Variants in SLC5A3 observed in about 807,000 individuals in gnomAD.
The protein encoded by SLC5A3 is solute carrier family 5 member 3, also known as sodium/myo-inositol cotransporter.
A neutral mutation model predicts 43.2 loss-of-function variants in SLC5A3; 10 were observed. The ratio of observed to expected loss-of-function variants is 0.23; its 90% CI spans 0.14 to 0.39. The LOEUF (loss-of-function observed/expected upper bound fraction) is 0.39. Ranked by LOEUF, SLC5A3 falls within the 10% of genes least tolerant of loss-of-function variation. The probability of loss-of-function intolerance (pLI) is 1.00; values close to 1 mark genes in which losing one functional copy is unlikely to be tolerated. For missense variants in SLC5A3, 608 were observed against 893.4 expected (o/e 0.68, Z 4.07); for synonymous variants, 349 against 322.0 (o/e 1.08, Z -0.90).
At position 34,095,332 on chromosome 21, in the gene SLC5A3, C is replaced by G. The variant is rs1978916274; in HGVS notation, c.134C>G (p.Ser45Cys). The change falls in exon 2 of 2, where the codon TCT (serine) becomes TGT (cysteine). Residue 45 changes from serine (S) to cysteine (C), a missense_variant. Physicochemically the swap from Ser to Cys is moderately radical, Grantham distance 112 (BLOSUM62 -1). Transcript: ENST00000381151. ...TVSGYFLAGR[S>C]MTWVAIGASL... ...AGTGGATACTTCCTGGCGGGGCGCTCTATGACCTGGGTAGCAATTGGTGCC... is the reference window on the plus strand; with the variant it reads ...AGTGGATACTTCCTGGCGGGGCGCTGTATGACCTGGGTAGCAATTGGTGCC... 6.2e-7 allele frequency: 1 copy of G among 1,613,960 alleles called. No homozygotes were observed. Among genetic ancestry groups the G allele is most frequent in the Non-Finnish European group, 8.5e-7 (1 of 1,179,982 alleles).
rs75868158 is a variant in SLC5A3 at position 34,105,584 on chromosome 21, C to A, written c.*8229C>A. ...TTTGTTCAGATTTTTTGTAAGAGAC[C>A]AGTTAGTACACTGGGGGTGTATATT... On this transcript the variant is annotated 3_prime_UTR_variant, in exon 2 of 2. Coordinates refer to ENST00000381151, the MANE Select transcript of SLC5A3 (RefSeq NM_006933.7). 5.2e-4 allele frequency: 517 copies of A among 999,722 alleles called. 2 individuals are homozygous for A. The African/African-American group carries it at 8.3e-3, about 16-fold the overall frequency. 61.9% of individuals were successfully genotyped at this position (999,722 alleles called of 1,614,324 possible).
chr21:34,103,192 ATG>A lies in SLC5A3; in HGVS notation c.*5841_*5842del. 1 of 999,948 alleles carries A rather than the reference ATG, an allele frequency of 1.0e-6. No individual in the cohort carries two copies. The highest frequency in any genetic ancestry group is 1.2e-6 in the Non-Finnish European group (1 of 829,872). The allele number at this position is 999,948 out of a possible 1,614,324, so 61.9% of individuals were successfully genotyped here. ...ATAATATAACCAGCTTTTGAAATTT[ATG>A]TGTTTGGATTAGTGCCTTCTGGTTA... On this transcript the variant is annotated 3_prime_UTR_variant, in exon 2 of 2. Coordinates refer to ENST00000381151, the MANE Select transcript of SLC5A3 (RefSeq NM_006933.7).
Position 34,102,115 on chromosome 21 carries a change from A to C in SLC5A3, c.*4760A>C. ...GGCTGCAAATCTTTTTCTTCTGTCA[A>C]GGTCACTTAATATGGAATGTTTTTG... On this transcript the variant is annotated 3_prime_UTR_variant, in exon 2 of 2. Transcript: ENST00000381151. 1.0e-6 allele frequency: 1 copy of C among 1,000,128 alleles called. No individual in the cohort carries two copies. Among genetic ancestry groups the C allele is most frequent in the Non-Finnish European group, 1.2e-6 (1 of 829,880 alleles). 62.0% of individuals were successfully genotyped at this position (1,000,128 alleles called of 1,614,324 possible). A position where few individuals can be genotyped will look rare whatever the true frequency, so the allele number is the denominator to read the frequency against.
Position 34,105,050 on chromosome 21 carries a change from A to G in SLC5A3, c.*7695A>G, listed in dbSNP as rs1979414650. On this transcript the variant is annotated 3_prime_UTR_variant, in exon 2 of 2. Transcript: ENST00000381151. Reference sequence around the variant, plus strand: ...GGCAAACAGATCAAGTCTTTTGCTCATAGACTTTTCTGTGGGGTTATTAAA... The same window carrying G: ...GGCAAACAGATCAAGTCTTTTGCTCGTAGACTTTTCTGTGGGGTTATTAAA... 8 of 1,000,088 alleles carry G rather than the reference A, an allele frequency of 8.0e-6. No homozygotes were observed. Among genetic ancestry groups the G allele is most frequent in the Non-Finnish European group, 9.6e-6 (8 of 829,908 alleles). 62.0% of individuals were successfully genotyped at this position (1,000,088 alleles called of 1,614,324 possible). A position where few individuals can be genotyped will look rare whatever the true frequency, so the allele number is the denominator to read the frequency against.
intron 1 of SLC5A3, among the ~76,000 whole-genome samples, chr21:34,076,334 A>G (rs148863899): frequency 6.6e-6 from 1 of 152,294 alleles, no homozygotes; most frequent in East Asian, 1.9e-4. Context: ...AAGTTTTAAA[A>G]TTTAAAATAC....
chr21:34,097,914 C>G lies in SLC5A3; in HGVS notation c.*559C>G, dbSNP rs4817621. ...CATGAGCCTACGGATTCTGATTTCC[C>G]AAAGAAAGAATGTTTTCCTGTAGGT... is the stretch of plus-strand genomic sequence containing the variant. On this transcript the variant is annotated 3_prime_UTR_variant, in exon 2 of 2. Coordinates refer to ENST00000381151, the MANE Select transcript of SLC5A3 (RefSeq NM_006933.7). The G allele has an allele frequency of 1.0e-6, 1 of 997,734 alleles. No individual in the cohort carries two copies. Among genetic ancestry groups the G allele is most frequent in the Non-Finnish European group, 1.2e-6 (1 of 827,828 alleles). 61.8% of individuals were successfully genotyped at this position (997,734 alleles called of 1,614,324 possible).
intron 1 of SLC5A3, among the ~76,000 whole-genome samples, chr21:34,089,989 C>G (rs529976317): frequency 8.5e-5 from 13 of 152,248 alleles, no homozygotes; most frequent in South Asian, 2.1e-4. Flanking sequence ...TTGCATATTA[C>G]TTGGTGGCTG....
chr21:34,078,431 A>G (rs1989384558), intron 1 of SLC5A3, among the ~76,000 whole-genome samples: 2 of 152,084 alleles, frequency 1.3e-5, no homozygotes, highest in African/African-American at 2.4e-5. Context: ...CTCACCAGAT[A>G]TGGTTTGTAT....
At position 34,095,047 on chromosome 21, in the gene SLC5A3, C is replaced by T. The variant is rs1200389236; in HGVS notation, c.-152C>T. ...TTTATCACAACCACCACCATCAAGACAGCAAACCAAAGGACAAAGACTTTG... is the reference window on the plus strand; with the variant it reads ...TTTATCACAACCACCACCATCAAGATAGCAAACCAAAGGACAAAGACTTTG... On this transcript the variant is annotated 5_prime_UTR_variant, in exon 2 of 2. Transcript: ENST00000381151. 1.1e-6 allele frequency: 1 copy of T among 918,230 alleles called. No individual in the cohort carries two copies. Among genetic ancestry groups the T allele is most frequent in the East Asian group, 2.8e-5 (1 of 35,654 alleles). The allele number at this position is 918,230 out of a possible 1,614,324, so 56.9% of individuals were successfully genotyped here.
At chr21:34,085,631 C>T (rs1630023) in intron 1 of SLC5A3, among the ~76,000 whole-genome samples, 120,218 of 146,178 alleles carry the variant, frequency 0.82, 51,480 homozygotes, top group East Asian at 0.94. Flanking sequence ...GACTGAGTCT[C>T]GCTCTTTCGC....
At position 34,073,716 on chromosome 21, in the gene SLC5A3, C is replaced by G; in HGVS notation, c.-366C>G. The G allele has an allele frequency of 6.5e-7, 1 of 1,529,450 alleles. No individual in the cohort carries two copies. Among genetic ancestry groups the G allele is most frequent in the Non-Finnish European group, 8.8e-7 (1 of 1,132,180 alleles). 94.7% of individuals were successfully genotyped at this position (1,529,450 alleles called of 1,614,324 possible). On this transcript the variant is annotated 5_prime_UTR_variant, in exon 1 of 2. Transcript: ENST00000381151. ...TCCTCCAGGCATGCCCCGCTACGAG[C>G]TGGCTTTAATCCTGAAAGCCATGCA...
chr21:34,097,782 A>C lies in SLC5A3; in HGVS notation c.*427A>C, dbSNP rs1979040697. 1.0e-6 allele frequency: 1 copy of C among 1,001,288 alleles called. No individual in the cohort carries two copies. Among genetic ancestry groups the C allele is most frequent in the Admixed American group, 6.1e-5 (1 of 16,466 alleles). The allele number at this position is 1,001,288 out of a possible 1,614,324, so 62.0% of individuals were successfully genotyped here. A position where few individuals can be genotyped will look rare whatever the true frequency, so the allele number is the denominator to read the frequency against. On this transcript the variant is annotated 3_prime_UTR_variant, in exon 2 of 2. Coordinates refer to ENST00000381151, the MANE Select transcript of SLC5A3 (RefSeq NM_006933.7). ...TCTGTAATCCCTCCTACCATTAAGAAAAACTTATTTCTTAGACATTGTACA... is the reference window on the plus strand; with the variant it reads ...TCTGTAATCCCTCCTACCATTAAGACAAACTTATTTCTTAGACATTGTACA...
Position 34,103,270 on chromosome 21 carries a change from G to A in SLC5A3, c.*5915G>A, listed in dbSNP as rs1602938796. 1 of 989,756 alleles carries A rather than the reference G, an allele frequency of 1.0e-6. No individual in the cohort carries two copies. The highest frequency in any genetic ancestry group is 1.2e-6 in the Non-Finnish European group (1 of 824,554). 61.3% of individuals were successfully genotyped at this position (989,756 alleles called of 1,614,324 possible). ...CCTTTCCGTTCTTAACAGAAAATTT[G>A]TATTTGTTATTCCTCTTAAATTTTG... On this transcript the variant is annotated 3_prime_UTR_variant, in exon 2 of 2. Transcript: ENST00000381151.
At position 34,105,695 on chromosome 21, in the gene SLC5A3, GT is replaced by G. The variant is rs1979445225; in HGVS notation, c.*8346del. On this transcript the variant is annotated 3_prime_UTR_variant, in exon 2 of 2. Coordinates refer to ENST00000381151, the MANE Select transcript of SLC5A3 (RefSeq NM_006933.7). ...TGAACATTAATTTTGTTATTAGTGA[GT>G]TTTTTGAATTGTAAATGGATTTCCA... is the stretch of plus-strand genomic sequence containing the variant. The G allele has an allele frequency of 2.0e-6, 2 of 998,774 alleles. No homozygotes were observed. The highest frequency in any genetic ancestry group is 2.4e-6 in the Non-Finnish European group (2 of 828,742). 61.9% of individuals were successfully genotyped at this position (998,774 alleles called of 1,614,324 possible).
chr21:34,082,729 CT>C (rs1423468196), intron 1 of SLC5A3, among the ~76,000 whole-genome samples: 3 of 151,964 alleles, frequency 2.0e-5, no homozygotes, highest in Non-Finnish European at 4.4e-5. Context: ...GACTAACCTT[CT>C]TTTTTTGTCT....
At chr21:34,083,185 C>A (rs1177460106) in intron 1 of SLC5A3, among the ~76,000 whole-genome samples, 1 of 152,140 alleles carries the variant, frequency 6.6e-6, no homozygotes. Flanking sequence ...AGCCGGGTTG[C>A]TGTGGATATA....
intron 1 of SLC5A3, among the ~76,000 whole-genome samples, chr21:34,080,102 A>AG (rs774945389): frequency 6.6e-6 from 1 of 152,110 alleles, no homozygotes; most frequent in African/African-American, 2.4e-5. Flanking sequence ...CATACTACTG[A>AG]GGGGAGGATA....
In SLC5A3 at chr21:34,101,714, T is replaced by C; in HGVS notation, c.*4359T>C. 1 of 996,790 alleles carries C rather than the reference T, an allele frequency of 1.0e-6. No homozygotes were observed. The highest frequency in any genetic ancestry group is 1.2e-6 in the Non-Finnish European group (1 of 826,880). 61.7% of individuals were successfully genotyped at this position (996,790 alleles called of 1,614,324 possible). A position where few individuals can be genotyped will look rare whatever the true frequency, so the allele number is the denominator to read the frequency against. On this transcript the variant is annotated 3_prime_UTR_variant, in exon 2 of 2. Transcript: ENST00000381151. ...GATGTTTTGCCCCAGTATTGAGGAC[T>C]TTTAGATCCAAATAATGACTCATTA... is the stretch of plus-strand genomic sequence containing the variant.
At chr21:34,076,812 A>G (rs559881161) in intron 1 of SLC5A3, among the ~76,000 whole-genome samples, 1 of 152,334 alleles carries the variant, frequency 6.6e-6, no homozygotes, top group East Asian at 1.9e-4. Flanking sequence ...TATTTATAGA[A>G]GAGTCTCTGG....
Sources: allele counts gnomAD v4.1 joint callset (sites outside exome capture counted in the v4.1 genomes callset), GRCh38; gene constraint gnomAD v4.1.1; transcripts MANE v1.5; gene names NCBI Gene and HGNC (gene_info 2026-07-23, HGNC 2026-07-21).